The following CDH13 variants were observed in gnomAD, a reference collection of about 807,000 sequenced individuals.
The protein encoded by CDH13 is cadherin 13.
Under a neutral mutation model 63.8 loss-of-function variants are expected in CDH13, and 24 were observed. The observed-to-expected ratio is 0.38, with a 90% CI of 0.27 to 0.53. The LOEUF (loss-of-function observed/expected upper bound fraction) is 0.53. Among genes scored for constraint, CDH13 ranks in the 20% least tolerant of loss-of-function variants. The pLI, the probability that CDH13 is intolerant of heterozygous loss-of-function variation, is 0.85. For missense variants in CDH13, 1,049 were observed against 903.1 expected (o/e 1.16, Z -2.07); for synonymous variants, 503 against 355.3 (o/e 1.42, Z -4.67).
At chr16:82,813,992 C>G (rs1213462356) in intron 1 of CDH13, among the ~76,000 whole-genome samples, 1 of 152,074 alleles carries the variant, frequency 6.6e-6, no homozygotes, top group African/African-American at 2.4e-5. Context: ...TACTTGAGTT[C>G]CTATTCAAAT....
At chr16:82,760,633 G>A (rs2034799643) in intron 1 of CDH13, among the ~76,000 whole-genome samples, 1 of 152,254 alleles carries the variant, frequency 6.6e-6, no homozygotes, top group Admixed American at 6.5e-5. Flanking sequence ...GATAGCACCT[G>A]TATTTGTCCC....
intron 6 of CDH13, among the ~76,000 whole-genome samples, chr16:83,353,309 A>G (rs2090993655): frequency 6.6e-6 from 1 of 152,226 alleles, no homozygotes; most frequent in Non-Finnish European, 1.5e-5. Flanking sequence ...CTCAGAACCA[A>G]GACAGTCGGC....
intron 4 of CDH13, among the ~76,000 whole-genome samples, chr16:83,165,891 A>G (rs934408311): frequency 1.3e-5 from 2 of 152,130 alleles, no homozygotes; most frequent in African/African-American, 4.8e-5. Flanking sequence ...ATCGCTCTGT[A>G]GGACCCAGGA....
chr16:83,667,428 C>A (rs1914093516), intron 8 of CDH13, among the ~76,000 whole-genome samples: 1 of 151,908 alleles, frequency 6.6e-6, no homozygotes, highest in South Asian at 2.1e-4. Context: ...ATCCATCCAT[C>A]CACCACCCAC....
At chr16:83,780,662 C>G (rs1430688459) in intron 12 of CDH13, among the ~76,000 whole-genome samples, 2 of 152,184 alleles carry the variant, frequency 1.3e-5, no homozygotes, top group African/African-American at 2.4e-5. Flanking sequence ...CCCAGAGTTC[C>G]CAGCCACAAG....
At chr16:83,739,921 C>G (rs1911903583) in intron 10 of CDH13, 2 of 152,180 alleles carry the variant, frequency 1.3e-5, no homozygotes, top group Non-Finnish European at 2.9e-5. Flanking sequence ...AGCTCACATT[C>G]TAAGTTGTAG....
At chr16:82,809,133 G>C (rs1699295403) in intron 1 of CDH13, among the ~76,000 whole-genome samples, 1 of 151,980 alleles carries the variant, frequency 6.6e-6, no homozygotes, top group South Asian at 2.1e-4. Flanking sequence ...TCATTGCAAA[G>C]TGGCTCTGTA....
At chr16:83,469,196 G>GT (rs533277028) in intron 6 of CDH13, among the ~76,000 whole-genome samples, 7 of 152,270 alleles carry the variant, frequency 4.6e-5, no homozygotes, top group Admixed American at 1.3e-4. Context: ...TCAACTCAGT[G>GT]TTTTTTCAGC....
chr16:82,704,125 A>T (rs1014376330), intron 1 of CDH13, among the ~76,000 whole-genome samples: 1 of 152,114 alleles, frequency 6.6e-6, no homozygotes, highest in Non-Finnish European at 1.5e-5. Flanking sequence ...TAAACTCTAA[A>T]ACTGCAAGCC....
chr16:83,046,275 C>T (rs544829789), intron 3 of CDH13, among the ~76,000 whole-genome samples: 1 of 152,264 alleles, frequency 6.6e-6, no homozygotes, highest in South Asian at 2.1e-4. Context: ...TGAATTGCTT[C>T]TATCTTTCTT....
rs1567602846 is a variant in CDH13, at chr16:83,796,319, G to T, written c.*1289G>T. 6.6e-6 allele frequency: 1 copy of T among 152,116 alleles called. No homozygotes were observed. The highest frequency in any genetic ancestry group is 1.5e-5 in the Non-Finnish European group (1 of 68,036). The allele number at this position is 152,116 out of a possible 1,614,324, so 9.4% of individuals were successfully genotyped here. A position where few individuals can be genotyped will look rare whatever the true frequency, so the allele number is the denominator to read the frequency against. ...TTTATTAGAGCTCGCCACGAACTAG[G>T]GTAAGGTGAGTGTCTTAGCATATTT... On this transcript the variant is annotated 3_prime_UTR_variant, in exon 14 of 14. Transcript: ENST00000567109.
intron 6 of CDH13, among the ~76,000 whole-genome samples, chr16:83,444,448 T>C (rs533214858): frequency 6.6e-6 from 1 of 152,374 alleles, no homozygotes; most frequent in African/African-American, 2.4e-5. Flanking sequence ...TAAATTTTGC[T>C]ATACATTAGA....
intron 2 of CDH13, among the ~76,000 whole-genome samples, chr16:82,894,931 C>T (rs186794913): frequency 2.4e-4 from 37 of 151,990 alleles, no homozygotes; most frequent in Admixed American, 3.3e-4. Context: ...AGCAAGGTGG[C>T]GGATGGGAAA....
chr16:83,763,456 A>C (rs189171465), intron 11 of CDH13, among the ~76,000 whole-genome samples: 144 of 152,268 alleles, frequency 9.5e-4, no homozygotes, highest in Non-Finnish European at 1.6e-3. Flanking sequence ...TGACTACTGA[A>C]CTACTGAATT....
At chr16:83,272,595 A>G (rs1373187167) in intron 5 of CDH13, among the ~76,000 whole-genome samples, 1 of 152,142 alleles carries the variant, frequency 6.6e-6, no homozygotes, top group Non-Finnish European at 1.5e-5. Context: ...TCCACTCCTT[A>G]CTGAGCTTCA....
chr16:82,910,745 C>T (rs2041804954), intron 2 of CDH13, among the ~76,000 whole-genome samples: 2 of 152,180 alleles, frequency 1.3e-5, no homozygotes. Context: ...ATATGATTCA[C>T]AGTGTTTAAA....
At position 82,937,715 on chromosome 16, in the gene CDH13, G is replaced by A. The variant is rs1371284865; in HGVS notation, c.157+79242G>A. Reference sequence around the variant, plus strand: ...ACTTCATTTTTTCTATGAACCAAATGTAGGTCATCATGAATCAAGCGTCCA... The same window carrying A: ...ACTTCATTTTTTCTATGAACCAAATATAGGTCATCATGAATCAAGCGTCCA... On this transcript the variant is annotated intron_variant, in intron 2 of 13. Transcript: ENST00000567109. Among the ~76,000 whole-genome samples the A allele has an allele frequency of 5.9e-5, 9 of 152,184 alleles. No homozygotes were observed. The East Asian group carries it at 1.5e-3, about 26-fold the overall frequency.
chr16:82,709,342 T>C (rs1193256505), intron 1 of CDH13, among the ~76,000 whole-genome samples: 3 of 152,218 alleles, frequency 2.0e-5, no homozygotes, highest in African/African-American at 7.2e-5. Context: ...AGGAATAATT[T>C]TTAAGAAATT....
intron 1 of CDH13, among the ~76,000 whole-genome samples, chr16:82,720,856 C>T (rs1027735532): frequency 1.6e-4 from 24 of 152,166 alleles, no homozygotes; most frequent in African/African-American, 2.4e-4. Flanking sequence ...CTGGCTCATT[C>T]GCCAATGAGT....
Sources: allele counts gnomAD v4.1 joint callset (sites outside exome capture counted in the v4.1 genomes callset), GRCh38; gene constraint gnomAD v4.1.1; transcripts MANE v1.5; gene names NCBI Gene and HGNC (gene_info 2026-07-23, HGNC 2026-07-21).